Variants in NBEAL1 observed in about 807,000 individuals in gnomAD.
NBEAL1 encodes neurobeachin-like protein 1.
NBEAL1 carries 273 observed loss-of-function variants against 351.3 expected under a neutral mutation model. That is an observed-to-expected ratio of 0.78 (90% CI 0.70 to 0.86). The LOEUF (loss-of-function observed/expected upper bound fraction) is 0.86, where lower values mean the gene tolerates loss of function less well. Ranked by LOEUF, NBEAL1 falls within the 40% of genes least tolerant of loss-of-function variation. The pLI is 0.00. For synonymous variants in NBEAL1, 1,050 were observed against 1,086.4 expected (o/e 0.97, Z 0.66); for missense variants, 2,961 against 3,201.3 (o/e 0.92, Z 1.81).
Position 203,217,263 on chromosome 2 carries a change from G to T in NBEAL1, c.8081G>T (p.Gly2694Val). The T allele has an allele frequency of 6.3e-7, 1 of 1,593,850 alleles. No homozygotes were observed. Among genetic ancestry groups the T allele is most frequent in the Non-Finnish European group, 8.5e-7 (1 of 1,169,946 alleles). The change falls in exon 56 of 56, where the codon GGT (glycine) becomes GTT (valine). Residue 2694 changes from glycine (G) to valine (V), a missense_variant. By Grantham distance (109) the Gly-to-Val change is moderately radical. Coordinates refer to ENST00000683969, the MANE Select transcript of NBEAL1 (RefSeq NM_001378026.1). ...GATTACTTTACACAGATGCGTTCAG[G>T]TCAGCTTTCTCGAAAATTTTGGGGA... The part of the protein sequence containing the change: ...GVGKPAEMRS[G>V]QLSRKFWGSS...
chr2:203,156,941 T>C (rs2063811889), intron 35 of NBEAL1, among the ~76,000 whole-genome samples: 1 of 152,240 alleles, frequency 6.6e-6, no homozygotes, highest in Middle Eastern at 3.2e-3. Flanking sequence ...AAATATATAA[T>C]AGTAGCTATC....
chr2:203,143,973 A>G (rs1280725129), intron 31 of NBEAL1, among the ~76,000 whole-genome samples: 1 of 152,034 alleles, frequency 6.6e-6, no homozygotes, highest in Non-Finnish European at 1.5e-5. Context: ...GGACGTTGGG[A>G]GGCCAAGGCA....
intron 7 of NBEAL1, among the ~76,000 whole-genome samples, chr2:203,072,752 G>A (rs183428572): frequency 2.0e-5 from 3 of 152,182 alleles, no homozygotes; most frequent in African/African-American, 7.2e-5. Flanking sequence ...TGCCCTGAAG[G>A]TCCCTATTTC....
At chr2:203,165,933 C>T (rs1444921713) in intron 36 of NBEAL1, among the ~76,000 whole-genome samples, 2 of 152,092 alleles carry the variant, frequency 1.3e-5, no homozygotes, top group African/African-American at 4.8e-5. Flanking sequence ...TTCCCAGCTA[C>T]TTGGGAGGCT....
chr2:203,078,903 T>TGC (rs1240760263), intron 8 of NBEAL1, among the ~76,000 whole-genome samples: 1 of 152,208 alleles, frequency 6.6e-6, no homozygotes, highest in Non-Finnish European at 1.5e-5. Context: ...TAGTAATATG[T>TGC]GCTTCTTTAT....
At chr2:203,033,431 T>G (rs2060985974) in intron 2 of NBEAL1, among the ~76,000 whole-genome samples, 1 of 152,222 alleles carries the variant, frequency 6.6e-6, no homozygotes, top group African/African-American at 2.4e-5. Context: ...CCACTATCCA[T>G]TACATAACAT....
chr2:203,054,340 C>A (rs1389535736), intron 4 of NBEAL1, among the ~76,000 whole-genome samples: 1 of 151,690 alleles, frequency 6.6e-6, no homozygotes, highest in African/African-American at 2.4e-5. Context: ...GTGGAAGAAT[C>A]GCTTTAACCC....
intron 9 of NBEAL1, 102 bp from the exon 10 acceptor site, chr2:203,084,361 C>A: frequency 3.8e-6 from 2 of 526,996 alleles, no homozygotes; most frequent in Non-Finnish European, 6.3e-6. Context: ...TACTGAACAT[C>A]AAAGTTGTTT....
intron 17 of NBEAL1, among the ~76,000 whole-genome samples, chr2:203,114,777 G>C (rs1480053307): frequency 1.3e-5 from 2 of 151,848 alleles, no homozygotes; most frequent in Non-Finnish European, 2.9e-5. Flanking sequence ...TTTTGAGACA[G>C]AGCCTTGCTC....
chr2:203,055,808 A>AAAATGAGGG (rs1574906114), intron 4 of NBEAL1, among the ~76,000 whole-genome samples: 1 of 152,220 alleles, frequency 6.6e-6, no homozygotes, highest in African/African-American at 2.4e-5. Flanking sequence ...AAAGGGAATA[A>AAAATGAGGG]AAATGAGGGA....
chr2:203,217,911 T>C lies in NBEAL1; in HGVS notation c.*557T>C, dbSNP rs1194333933. The C allele has an allele frequency of 1.0e-6, 1 of 970,356 alleles. No homozygotes were observed. The highest frequency in any genetic ancestry group is 1.8e-5 in the African/African-American group (1 of 56,962). The allele number at this position is 970,356 out of a possible 1,614,324, so 60.1% of individuals were successfully genotyped here. ...AAACTGGTACATTAGCTAATTCTAT[T>C]ACTACTTAGCGTGTTTCTAATGAGA... On this transcript the variant is annotated 3_prime_UTR_variant, in exon 56 of 56. Coordinates refer to ENST00000683969, the MANE Select transcript of NBEAL1 (RefSeq NM_001378026.1).
At chr2:203,100,317 A>G (rs79452045) in intron 12 of NBEAL1, among the ~76,000 whole-genome samples, 1 of 152,164 alleles carries the variant, frequency 6.6e-6, no homozygotes, top group Admixed American at 6.5e-5. Context: ...TGTTTGAGAA[A>G]TTGCCAGACT....
chr2:203,184,074 T>TAAAAAAAAAA (rs1170251389), intron 44 of NBEAL1, among the ~76,000 whole-genome samples: 1 of 87,986 alleles, frequency 1.1e-5, no homozygotes, highest in Non-Finnish European at 2.1e-5. Context: ...CGAGACTGTC[T>TAAAAAAAAAA]AAAAAAAAAA....
In NBEAL1 at chr2:203,113,319, G is replaced by T; in HGVS notation, c.2506+1G>T. On this transcript the variant is annotated splice_donor_variant, in intron 17 of 55. Coordinates refer to ENST00000683969, the MANE Select transcript of NBEAL1 (RefSeq NM_001378026.1). LOFTEE classifies it high-confidence loss of function. ...CAGGTGAAGGCATTATATTTAGCAG[G>T]TAAGCATGTACAGTCATAATGCTTA... The T allele has an allele frequency of 7.2e-7, 1 of 1,382,596 alleles. No individual in the cohort carries two copies. Among genetic ancestry groups the T allele is most frequent in the East Asian group, 2.7e-5 (1 of 36,954 alleles). 85.6% of individuals were successfully genotyped at this position (1,382,596 alleles called of 1,614,324 possible).
intron 20 of NBEAL1, 24 bp downstream of exon 20, chr2:203,125,544 A>G: frequency 1.5e-6 from 2 of 1,374,308 alleles, no homozygotes; most frequent in Non-Finnish European, 1.9e-6. Context: ...ATTAACACAA[A>G]ATAGTCATTG....
intron 41 of NBEAL1, among the ~76,000 whole-genome samples, chr2:203,174,108 G>A (rs2064409539): frequency 7.1e-6 from 1 of 141,424 alleles, no homozygotes. Flanking sequence ...TTTACCTTTA[G>A]ATTTCTAGGT....
chr2:203,033,088 C>A (rs1401527800), intron 2 of NBEAL1, among the ~76,000 whole-genome samples: 1 of 151,866 alleles, frequency 6.6e-6, no homozygotes, highest in Non-Finnish European at 1.5e-5. Flanking sequence ...GCAAGCTCTG[C>A]CTCCCAGGTT....
intron 33 of NBEAL1, among the ~76,000 whole-genome samples, chr2:203,146,784 T>C (rs910989390): frequency 6.6e-6 from 1 of 151,700 alleles, no homozygotes; most frequent in Admixed American, 6.6e-5. Context: ...GCAGCAAGAC[T>C]CGGTCTCAAG....
chr2:203,022,061 A>G (rs893445311), intron 2 of NBEAL1, among the ~76,000 whole-genome samples: 8 of 151,950 alleles, frequency 5.3e-5, no homozygotes, highest in African/African-American at 1.7e-4. Context: ...AAAAAAAAAA[A>G]AAAGAAAGAA....
Sources: gnomAD v4.1 joint callset for allele counts (sites outside exome capture counted in the v4.1 genomes callset) on GRCh38, gnomAD v4.1.1 for gene constraint, MANE v1.5 for transcripts, NCBI Gene and HGNC (gene_info 2026-07-23, HGNC 2026-07-21) for gene names.